Variants in XRCC3 observed in about 807,000 individuals in gnomAD.
XRCC3 encodes the protein X-ray repair cross complementing 3.
In XRCC3, 34 loss-of-function variants were observed where a neutral mutation model predicts 29.2. The ratio of observed to expected loss-of-function variants is 1.16; its 90% CI spans 0.88 to 1.55. XRCC3 has a LOEUF of 1.55. Among genes scored for constraint, XRCC3 ranks in the 40% most tolerant of loss-of-function variants. The pLI, the probability that XRCC3 is intolerant of heterozygous loss-of-function variation, is 0.00. For missense variants in XRCC3, 463 were observed against 467.6 expected (o/e 0.99, Z 0.09); for synonymous variants, 223 against 211.3 (o/e 1.06, Z -0.48).
At chr14:103,699,255 G>A (rs2082884533) in intron 8 of XRCC3, 76 bp from the exon 9 acceptor site, 1 of 1,540,138 alleles carries the variant, frequency 6.5e-7, no homozygotes, top group Admixed American at 2.0e-5. Context: ...GCTACCCGCA[G>A]GAGCCGGAGG....
chr14:103,708,425 C>T, intron 5 of XRCC3, 97 bp downstream of exon 5: 1 of 1,572,026 alleles, frequency 6.4e-7, no homozygotes, highest in Non-Finnish European at 8.7e-7. Flanking sequence ...TGAGGCTGGT[C>T]CCTGGGTGAA....
rs2083682749 is a variant in XRCC3 at position 103,712,866 on chromosome 14, C to G, written c.-261+9G>C. 2 of 152,382 alleles carry G rather than the reference C, an allele frequency of 1.3e-5. No individual in the cohort carries two copies. Among genetic ancestry groups the G allele is most frequent in the Non-Finnish European group, 2.9e-5 (2 of 68,150 alleles). The allele number at this position is 152,382 out of a possible 1,614,324, so 9.4% of individuals were successfully genotyped here. On this transcript the variant is annotated intron_variant, in intron 2 of 9. Coordinates refer to ENST00000555055, the MANE Select transcript of XRCC3 (RefSeq NM_005432.4). ...AAGCAGAGTGTCCACTGACGGATAACAGACTCACCGGTTGGCCAACGGCAG... is the reference window on the plus strand; with the variant it reads ...AAGCAGAGTGTCCACTGACGGATAAGAGACTCACCGGTTGGCCAACGGCAG...
At chr14:103,705,555 G>A (rs2083405580) in intron 6 of XRCC3, 1 of 152,274 alleles carries the variant, frequency 6.6e-6, no homozygotes, top group Non-Finnish European at 1.5e-5. Flanking sequence ...TCCAGGAAAG[G>A]AAGTCATTTC....
chr14:103,701,337 A>G (rs2151924854), intron 7 of XRCC3: 1 of 912,596 alleles, frequency 1.1e-6, no homozygotes, highest in Non-Finnish European at 1.7e-6. Flanking sequence ...CTGTGTGCAT[A>G]GGACATGATA....
At chr14:103,701,533 T>G in intron 7 of XRCC3, 1 of 331,622 alleles carries the variant, frequency 3.0e-6, no homozygotes, top group Non-Finnish European at 5.5e-6. Flanking sequence ...AATTAAAAGT[T>G]TATATGCCTT....
In XRCC3 at chr14:103,698,719, C is replaced by T; in HGVS notation, c.*79G>A. ...ACCAGGCTCCCAGCTGTGCCACGGC[C>T]CAGGCAGACGCGTTTTAAAGGCCCG... On this transcript the variant is annotated 3_prime_UTR_variant, in exon 10 of 10. Coordinates refer to ENST00000555055, the MANE Select transcript of XRCC3 (RefSeq NM_005432.4). 2 of 1,343,692 alleles carry T rather than the reference C, an allele frequency of 1.5e-6. No individual in the cohort carries two copies. Among genetic ancestry groups the T allele is most frequent in the Admixed American group, 4.0e-5 (2 of 50,630 alleles). The allele number at this position is 1,343,692 out of a possible 1,614,324, so 83.2% of individuals were successfully genotyped here. A position where few individuals can be genotyped will look rare whatever the true frequency, so the allele number is the denominator to read the frequency against.
chr14:103,699,846 C>T, intron 7 of XRCC3: 1 of 514,682 alleles, frequency 1.9e-6, no homozygotes, highest in Non-Finnish European at 3.5e-6. Flanking sequence ...CTTGGCTGTG[C>T]CAACACCGTC....
chr14:103,703,854 G>A (rs2083330712), intron 6 of XRCC3: 1 of 210,406 alleles, frequency 4.8e-6, no homozygotes, highest in African/African-American at 2.3e-5. Flanking sequence ...GTGTTGGTGA[G>A]GATGTGTAGG....
chr14:103,710,937 G>A, intron 4 of XRCC3, 96 bp downstream of exon 4: 1 of 1,284,962 alleles, frequency 7.8e-7, no homozygotes, highest in Non-Finnish European at 1.1e-6. Context: ...GGTAGGCAAA[G>A]GAAGGAAGGC....
At chr14:103,706,501 C>CT (rs1360367757) in intron 6 of XRCC3, 2 of 422,572 alleles carry the variant, frequency 4.7e-6, no homozygotes, top group South Asian at 1.7e-5. Context: ...ACTACGTGAA[C>CT]TTTTAACACC....
rs1171189779 is a variant in XRCC3, at chr14:103,703,262, G to C, written c.472C>G (p.Gln158Glu). ...HKRLQQLMAQ[Q>E]PRLRTDVPGE... ...GGAACGTCAGTGCGCAGCCGCGGCT[G>C]CTGGGCCATGAGCTGCTGCAGGCGC... Residue 158 changes from glutamine to glutamate, a missense_variant, in exon 7 of 10, where the codon CAG becomes GAG. Physicochemically the swap from Gln to Glu is conservative, Grantham distance 29. Coordinates refer to ENST00000555055, the MANE Select transcript of XRCC3 (RefSeq NM_005432.4). 6.4e-7 allele frequency: 1 copy of C among 1,559,994 alleles called. No individual in the cohort carries two copies. The highest frequency in any genetic ancestry group is 8.7e-7 in the Non-Finnish European group (1 of 1,153,768).
At chr14:103,710,157 CGGG>C in intron 4 of XRCC3, 1 of 152,172 alleles carries the variant, frequency 6.6e-6, no homozygotes, top group Admixed American at 6.5e-5. Flanking sequence ...TTTACTAACT[CGGG>C]CGAAAAAAGA....
In XRCC3 at chr14:103,699,852, C is replaced by T. The variant is rs2082984334; in HGVS notation, c.562-276G>A. The T allele has an allele frequency of 1.4e-5, 7 of 506,488 alleles. No homozygotes were observed. In the South Asian group the frequency reaches 1.4e-4, roughly 10 times the overall value. The allele number at this position is 506,488 out of a possible 1,614,324, so 31.4% of individuals were successfully genotyped here. A position where few individuals can be genotyped will look rare whatever the true frequency, so the allele number is the denominator to read the frequency against. On this transcript the variant is annotated intron_variant, in intron 7 of 9. Transcript: ENST00000555055. ...CAGTCACCCCTTGGCTGTGCCAACA[C>T]CGTCCTCTGTAGAGGTGTCCTTTGC... is the stretch of plus-strand genomic sequence containing the variant.
chr14:103,699,431 T>C lies in XRCC3; in HGVS notation c.707A>G (p.Gln236Arg), dbSNP rs2082914187. Residue 236 changes from glutamine to arginine, a missense_variant, in exon 8 of 10, where the codon CAG (glutamine) becomes CGG (arginine). By Grantham distance (43) the Gln-to-Arg change is conservative. Coordinates refer to ENST00000555055, the MANE Select transcript of XRCC3 (RefSeq NM_005432.4). ...QASAPRARHLQSLGATLRELS... is the reference protein window; with the variant it reads ...QASAPRARHLRSLGATLRELS... ...CTCACGCAGCGTGGCCCCCAGGGACTGCAGATGCCTGGCCCTGGGGGCGGA... is the reference window on the plus strand; with the variant it reads ...CTCACGCAGCGTGGCCCCCAGGGACCGCAGATGCCTGGCCCTGGGGGCGGA... 2 of 1,612,926 alleles carry C rather than the reference T, an allele frequency of 1.2e-6. No homozygotes were observed. Among genetic ancestry groups the C allele is most frequent in the Non-Finnish European group, 1.7e-6 (2 of 1,179,926 alleles).
intron 6 of XRCC3, chr14:103,704,098 A>G (rs2083344584): frequency 6.6e-6 from 1 of 152,534 alleles, no homozygotes; most frequent in Non-Finnish European, 1.5e-5. Flanking sequence ...GCCCATCCTT[A>G]CAGTGGGATG....
intron 9 of XRCC3, 22 bp from the exon 10 acceptor site, chr14:103,699,039 A>G: frequency 6.4e-7 from 1 of 1,571,696 alleles, no homozygotes; most frequent in Non-Finnish European, 8.6e-7. Context: ...GAAGCAGGCA[A>G]GCTGGCGCTC....
chr14:103,703,856 A>T (rs924875450), intron 6 of XRCC3: 1 of 209,096 alleles, frequency 4.8e-6, no homozygotes, highest in Non-Finnish European at 9.9e-6. Flanking sequence ...GTTGGTGAGG[A>T]TGTGTAGGAG....
Position 103,698,159 on chromosome 14 carries a change from C to G in XRCC3, c.*639G>C, listed in dbSNP as rs538889498. 6.3e-6 allele frequency: 1 copy of G among 157,878 alleles called. No homozygotes were observed. The highest frequency in any genetic ancestry group is 1.4e-5 in the Non-Finnish European group (1 of 71,650). 9.8% of individuals were successfully genotyped at this position (157,878 alleles called of 1,614,324 possible). A position where few individuals can be genotyped will look rare whatever the true frequency, so the allele number is the denominator to read the frequency against. Reference sequence around the variant, plus strand: ...ACAAGGCAGTCCCCCCACCCCCAGGCTCTCCTGGACCCTGACACTGGAGGT... The same window carrying G: ...ACAAGGCAGTCCCCCCACCCCCAGGGTCTCCTGGACCCTGACACTGGAGGT... On this transcript the variant is annotated 3_prime_UTR_variant, in exon 10 of 10. Transcript: ENST00000555055.
intron 6 of XRCC3, chr14:103,706,405 G>A (rs1234056801): frequency 2.2e-6 from 1 of 456,004 alleles, no homozygotes; most frequent in Non-Finnish European, 4.4e-6. Flanking sequence ...GACAACGTGG[G>A]AATCGCATGT....
Sources: gnomAD v4.1 joint callset for allele counts on GRCh38, gnomAD v4.1.1 for gene constraint, MANE v1.5 for transcripts, NCBI Gene and HGNC (gene_info 2026-07-23, HGNC 2026-07-21) for gene names.